The following PLGRKT variants were observed in gnomAD, a reference collection of about 807,000 sequenced individuals.
The protein encoded by PLGRKT is plasminogen receptor with a C-terminal lysine.
PLGRKT carries 22 observed loss-of-function variants against 18.5 expected under a neutral mutation model. That is an observed-to-expected ratio of 1.19 (90% CI 0.85 to 1.70). The LOEUF is 1.70. Ranked by LOEUF, PLGRKT falls within the 40% of genes most tolerant of loss-of-function variation. The pLI is 0.00. For missense variants in PLGRKT, 235 were observed against 174.4 expected, an observed-to-expected ratio of 1.35 and a Z score of -1.96; for synonymous variants, 72 against 52.8, an observed-to-expected ratio of 1.36 and a Z score of -1.58.
intron 2 of PLGRKT, among the ~76,000 whole-genome samples, chr9:5,435,874 C>T (rs1393012879): frequency 2.6e-5 from 4 of 152,222 alleles, no homozygotes; most frequent in Non-Finnish European, 5.9e-5. Context: ...GGAAGCCCAG[C>T]TAATGGGGTT....
intron 3 of PLGRKT, among the ~76,000 whole-genome samples, chr9:5,411,201 T>G (rs545607005): frequency 2.0e-5 from 3 of 151,774 alleles, no homozygotes; most frequent in African/African-American, 7.3e-5. Context: ...CTGGCCAATA[T>G]GGTGAAACCC....
chr9:5,361,669 T>G, intron 4 of PLGRKT, 89 bp downstream of exon 4: 2 of 1,298,600 alleles, frequency 1.5e-6, no homozygotes, highest in Non-Finnish European at 1.1e-6. Context: ...TGGACCAAAG[T>G]CTTATTCTGG....
At position 5,358,209 on chromosome 9, in the gene PLGRKT, T is replaced by G. The variant is rs1326005494; in HGVS notation, c.*30A>C. ...ACCATGATTCAAGTCAATAATTCTGTGCTTTGAGATTTGATTGGTAAGCAT... is the reference window on the plus strand; with the variant it reads ...ACCATGATTCAAGTCAATAATTCTGGGCTTTGAGATTTGATTGGTAAGCAT... On this transcript the variant is annotated 3_prime_UTR_variant, in exon 6 of 6. Transcript: ENST00000223864. The G allele has an allele frequency of 1.3e-6, 2 of 1,568,378 alleles. No homozygotes were observed.
At chr9:5,392,581 G>A (rs935909060) in intron 3 of PLGRKT, 1 of 151,868 alleles carries the variant, frequency 6.6e-6, no homozygotes, top group Admixed American at 6.6e-5. Context: ...TTGAATCTGA[G>A]CTCCCCTACA....
chr9:5,397,376 C>A (rs1380012424), intron 3 of PLGRKT, among the ~76,000 whole-genome samples: 1 of 151,876 alleles, frequency 6.6e-6, no homozygotes, highest in South Asian at 2.1e-4. Flanking sequence ...TTCATCATAG[C>A]ACTTAGCTCG....
intron 3 of PLGRKT, among the ~76,000 whole-genome samples, chr9:5,409,685 G>A (rs1032442026): frequency 3.3e-5 from 5 of 152,210 alleles, no homozygotes; most frequent in African/African-American, 7.2e-5. Flanking sequence ...AGCCTTGGGA[G>A]CCCATCCCTC....
chr9:5,389,080 C>G (rs1220484777), intron 3 of PLGRKT, among the ~76,000 whole-genome samples: 1 of 151,894 alleles, frequency 6.6e-6, no homozygotes, highest in African/African-American at 2.4e-5. Flanking sequence ...TAACATAGGA[C>G]ATGGACTTGT....
At chr9:5,389,699 G>C (rs1275426192) in intron 3 of PLGRKT, among the ~76,000 whole-genome samples, 1 of 151,810 alleles carries the variant, frequency 6.6e-6, no homozygotes, top group South Asian at 2.1e-4. Flanking sequence ...GAATTTTCTA[G>C]GTGACCCAAA....
chr9:5,369,785 G>A (rs956452881), intron 3 of PLGRKT, among the ~76,000 whole-genome samples: 3 of 152,168 alleles, frequency 2.0e-5, no homozygotes, highest in African/African-American at 7.2e-5. Flanking sequence ...CATGTCCTTT[G>A]CAGGGACATG....
chr9:5,418,443 C>T lies in PLGRKT; in HGVS notation c.81+13454G>A. On this transcript the variant is annotated intron_variant, in intron 3 of 5. Coordinates refer to ENST00000223864, the MANE Select transcript of PLGRKT (RefSeq NM_018465.4). This position sits in a 1 kb window ranked among gnomAD's most constrained non-coding sequence, Gnocchi z 4.2. ...GGAGCACGATGCTGAGGAGGAAGAC[C>T]AAGACGCAAGCCACCAAGATGACAG... is the stretch of plus-strand genomic sequence containing the variant. The T allele has an allele frequency of 1.0e-6, 1 of 978,552 alleles. No homozygotes were observed. Among genetic ancestry groups the T allele is most frequent in the Non-Finnish European group, 1.6e-6 (1 of 608,876 alleles). 60.6% of individuals were successfully genotyped at this position (978,552 alleles called of 1,614,324 possible).
intron 1 of PLGRKT, among the ~76,000 whole-genome samples, chr9:5,436,984 G>A (rs1049549370): frequency 6.6e-6 from 1 of 152,100 alleles, no homozygotes; most frequent in Non-Finnish European, 1.5e-5. Flanking sequence ...AAAAAAAAAT[G>A]TCTTGCTACT....
In PLGRKT at chr9:5,418,605, G is replaced by C; in HGVS notation, c.81+13292C>G. The C allele has an allele frequency of 1.4e-6, 1 of 735,742 alleles. No individual in the cohort carries two copies. The highest frequency in any genetic ancestry group is 2.5e-6 in the Non-Finnish European group (1 of 396,432). 45.6% of individuals were successfully genotyped at this position (735,742 alleles called of 1,614,324 possible). On this transcript the variant is annotated intron_variant, in intron 3 of 5. Transcript: ENST00000223864. The surrounding 1 kb of genome is among the most constrained non-coding windows in gnomAD (Gnocchi z 4.2). ...TCACCACAGTGACGGACTTCTGCCG[G>C]TTCCTGGGCAGCAGGTGGCGGCTCA... is the stretch of plus-strand genomic sequence containing the variant.
At chr9:5,402,640 G>T (rs1244766274) in intron 3 of PLGRKT, among the ~76,000 whole-genome samples, 1 of 151,924 alleles carries the variant, frequency 6.6e-6, no homozygotes, top group Non-Finnish European at 1.5e-5. Context: ...GAAGAGCAGG[G>T]TATGGAGGAG....
At chr9:5,373,679 T>A (rs1219667622) in intron 3 of PLGRKT, among the ~76,000 whole-genome samples, 1 of 152,080 alleles carries the variant, frequency 6.6e-6, no homozygotes, top group Admixed American at 6.5e-5. Context: ...ACACCTGTAG[T>A]CTTGGCTACT....
At chr9:5,365,124 A>C (rs1817357318) in intron 3 of PLGRKT, among the ~76,000 whole-genome samples, 1 of 152,200 alleles carries the variant, frequency 6.6e-6, no homozygotes, top group African/African-American at 2.4e-5. Flanking sequence ...TCCAAAAAAA[A>C]ATAAATAAAT....
intron 3 of PLGRKT, among the ~76,000 whole-genome samples, chr9:5,394,473 C>T (rs1194425958): frequency 2.6e-5 from 4 of 151,852 alleles, no homozygotes; most frequent in African/African-American, 4.9e-5. Flanking sequence ...AGTGCAATGG[C>T]GCAATCTCAG....
chr9:5,427,023 C>A (rs1024773838), intron 3 of PLGRKT, among the ~76,000 whole-genome samples: 1 of 152,212 alleles, frequency 6.6e-6, no homozygotes, highest in Non-Finnish European at 1.5e-5. Context: ...CCCCTCTTAT[C>A]CACAGTTTTA....
chr9:5,414,108 G>A (rs955014450), intron 3 of PLGRKT, among the ~76,000 whole-genome samples: 5 of 152,176 alleles, frequency 3.3e-5, no homozygotes, highest in Non-Finnish European at 5.9e-5. Context: ...GTATTATAAA[G>A]AGGAGGGGGA....
At chr9:5,428,417 G>A (rs1223387573) in intron 3 of PLGRKT, among the ~76,000 whole-genome samples, 3 of 152,274 alleles carry the variant, frequency 2.0e-5, no homozygotes, top group Admixed American at 2.0e-4. Context: ...CTCAGGGAAG[G>A]CAAGTATGCT....
Sources: allele counts gnomAD v4.1 joint callset (sites outside exome capture counted in the v4.1 genomes callset), GRCh38; gene constraint gnomAD v4.1.1; non-coding constraint Gnocchi (gnomAD v3.1); transcripts MANE v1.5; gene names NCBI Gene and HGNC (gene_info 2026-07-23, HGNC 2026-07-21).